Variants in ESR1 observed in about 807,000 individuals in gnomAD.
The protein encoded by ESR1 is estrogen receptor.
ESR1 carries 12 observed loss-of-function variants against 52.7 expected under a neutral mutation model. The observed-to-expected ratio is 0.23, with a 90% CI of 0.15 to 0.37. ESR1 has a LOEUF of 0.37. ESR1 is among the 10% of genes least tolerant of loss of function. The pLI, the probability that ESR1 is intolerant of heterozygous loss-of-function variation, is 1.00. For synonymous variants in ESR1, 305 were observed against 316.8 expected, an observed-to-expected ratio of 0.96 and a Z score of 0.39; for missense variants, 584 against 779.7, an observed-to-expected ratio of 0.75 and a Z score of 2.99.
chr6:152,125,420 T>A, exon 7 of ESR1: 1 of 1,494,048 alleles, frequency 6.7e-7, no homozygotes, highest in Admixed American at 2.2e-5. Flanking sequence ...GGACATTTTG[T>A]TTTGAGGCAG....
chr6:151,931,542 G>A (rs534582543), intron 3 of ESR1, among the ~76,000 whole-genome samples: 4 of 150,454 alleles, frequency 2.7e-5, no homozygotes, highest in East Asian at 3.9e-4. Context: ...ATGCTTGTGC[G>A]CTGCACCCAC....
At chr6:151,706,679 A>G (rs1026835956) in intron 2 of ESR1, among the ~76,000 whole-genome samples, 2 of 152,114 alleles carry the variant, frequency 1.3e-5, no homozygotes, top group Non-Finnish European at 2.9e-5. Context: ...GCCCTTGCCT[A>G]GGGTTTCAGC....
At position 151,711,457 on chromosome 6, in the gene ESR1, G is replaced by A. The variant is rs184313737; in HGVS notation, c.-71+9452G>A. On this transcript the variant is annotated intron_variant, in intron 2 of 2. Transcript: ENST00000404742. ...AGGATGGTCTCGATCTTCTGACCTC[G>A]TGATCCACCTGCCTTGGCCTCCCAA... 3.1e-3 allele frequency among the ~76,000 whole-genome samples: 469 copies of A among 152,144 alleles called. 2 individuals are homozygous for A. The highest frequency in any genetic ancestry group is 0.011 in the African/African-American group (444 of 41,528).
chr6:151,776,557 G>C (rs1209692828), intron 2 of ESR1, among the ~76,000 whole-genome samples: 1 of 152,214 alleles, frequency 6.6e-6, no homozygotes, highest in Non-Finnish European at 1.5e-5. Context: ...GGCCACGGAG[G>C]CCGGCTGGGG....
chr6:151,825,371 T>A (rs1031551329), intron 1 of ESR1, among the ~76,000 whole-genome samples: 62 of 152,220 alleles, frequency 4.1e-4, no homozygotes, highest in African/African-American at 1.5e-3. Flanking sequence ...CAAAAGGATA[T>A]GCATGGGAGA....
chr6:151,843,435 A>G (rs1784622094), intron 2 of ESR1, among the ~76,000 whole-genome samples: 1 of 152,184 alleles, frequency 6.6e-6, no homozygotes, highest in South Asian at 2.1e-4. Flanking sequence ...ATAGTTTGCC[A>G]ATTATAGCTA....
chr6:152,109,326 G>A (rs1014285437), intron 6 of ESR1, among the ~76,000 whole-genome samples: 4 of 152,126 alleles, frequency 2.6e-5, no homozygotes, highest in Admixed American at 6.6e-5. Flanking sequence ...TGGACTATGT[G>A]CATTAAGAAG....
exon 7 of ESR1, chr6:152,125,638 A>C: frequency 3.4e-6 from 1 of 294,950 alleles, no homozygotes; most frequent in Admixed American, 4.7e-5. Context: ...ATGAGTTATA[A>C]CAGAGTGACT....
intron 1 of ESR1, among the ~76,000 whole-genome samples, chr6:151,700,305 C>T (rs6926873): frequency 0.041 from 6,213 of 152,080 alleles, 416 homozygotes; most frequent in African/African-American, 0.14. Context: ...TTTAATTAGC[C>T]TTTTTTTCCC....
chr6:151,684,657 G>A (rs1778586239), intron 1 of ESR1, among the ~76,000 whole-genome samples: 1 of 152,178 alleles, frequency 6.6e-6, no homozygotes, highest in African/African-American at 2.4e-5. Flanking sequence ...AATAAAAATA[G>A]GATGAAAACA....
intron 2 of ESR1, among the ~76,000 whole-genome samples, chr6:151,719,832 T>C (rs1006896608): frequency 4.6e-5 from 7 of 152,160 alleles, no homozygotes; most frequent in Non-Finnish European, 8.8e-5. Flanking sequence ...AAAATTATAG[T>C]AGGTTTCTCC....
intron 3 of ESR1, among the ~76,000 whole-genome samples, chr6:151,942,922 A>C (rs954181074): frequency 1.3e-5 from 2 of 152,130 alleles, no homozygotes; most frequent in African/African-American, 4.8e-5. Flanking sequence ...TTGTCTTTTT[A>C]AAATAGTTGT....
chr6:151,727,755 G>C (rs1781950674), intron 2 of ESR1, among the ~76,000 whole-genome samples: 1 of 152,116 alleles, frequency 6.6e-6, no homozygotes, highest in Admixed American at 6.6e-5. Context: ...CCCTCTTGCT[G>C]TTCTCGTGAT....
rs540772721 is a variant in ESR1, at chr6:151,970,316, T to TC, written c.1096+25809dup. Among the ~76,000 whole-genome samples, 7 of 152,206 alleles carry TC rather than the reference T, an allele frequency of 4.6e-5. No individual in the cohort carries two copies. In the South Asian group the frequency reaches 1.4e-3, roughly 32 times the overall value. ...GGACTGCAGCATCTCTGTCTTTCTG[T>TC]CGTAGCATACAAGACAGCATCTCTG... On this transcript the variant is annotated intron_variant, in intron 4 of 7. Transcript: ENST00000206249.
At chr6:151,680,216 T>C (rs1472639494) in intron 1 of ESR1, among the ~76,000 whole-genome samples, 2 of 149,862 alleles carry the variant, frequency 1.3e-5, no homozygotes, top group African/African-American at 4.9e-5. Flanking sequence ...TTTTTTTTTT[T>C]TTTTTGAGTT....
chr6:151,958,991 T>TGTGC lies in ESR1; in HGVS notation c.1096+14487_1096+14490dup, dbSNP rs554795932. 2.6e-5 allele frequency among the ~76,000 whole-genome samples: 4 copies of TGTGC among 152,144 alleles called. No homozygotes were observed. In the South Asian group the frequency reaches 8.3e-4, roughly 32 times the overall value. On this transcript the variant is annotated intron_variant, in intron 4 of 7. Coordinates refer to ENST00000206249, the MANE Select transcript of ESR1 (RefSeq NM_000125.4). ...AAGTTTCCGTGTGTGTGTGTGTGTGTGTGCGTGTGTGTGTTTACGGAGAGG... is the reference window on the plus strand; with the variant it reads ...AAGTTTCCGTGTGTGTGTGTGTGTGTGTGCGTGCGTGTGTGTGTTTACGGAGAGG...
intron 1 of ESR1, among the ~76,000 whole-genome samples, chr6:151,674,492 G>A (rs1293947): frequency 0.6 from 91,740 of 152,030 alleles, 28,652 homozygotes; most frequent in African/African-American, 0.78. Context: ...CAATAAACAT[G>A]CGTGTGCATG....
chr6:151,770,803 G>A (rs1021447596), intron 2 of ESR1, among the ~76,000 whole-genome samples: 5 of 152,132 alleles, frequency 3.3e-5, no homozygotes, highest in African/African-American at 1.2e-4. Flanking sequence ...GACAGATGAA[G>A]ACTCTTTCTA....
chr6:151,994,449 G>A (rs990712712), intron 4 of ESR1, among the ~76,000 whole-genome samples: 3 of 152,312 alleles, frequency 2.0e-5, no homozygotes, highest in Non-Finnish European at 2.9e-5. Context: ...CTCTCACAGA[G>A]CATGATACAA....
Sources: gnomAD v4.1 joint callset for allele counts (sites outside exome capture counted in the v4.1 genomes callset) on GRCh38, gnomAD v4.1.1 for gene constraint, MANE v1.5 for transcripts, NCBI Gene and HGNC (gene_info 2026-07-23, HGNC 2026-07-21) for gene names.